The following PSD3 variants were observed in gnomAD, a reference collection of about 807,000 sequenced individuals.
PSD3 encodes PH and SEC7 domain-containing protein 3.
Under a neutral mutation model 105.5 loss-of-function variants are expected in PSD3, and 49 were observed. The ratio of observed to expected loss-of-function variants is 0.46; its 90% CI spans 0.37 to 0.59. PSD3 has a LOEUF of 0.59. Ranked by LOEUF, PSD3 falls within the 20% of genes least tolerant of loss-of-function variation. The probability of loss-of-function intolerance (pLI) is 0.00; values close to 1 mark genes in which losing one functional copy is unlikely to be tolerated. For synonymous variants in PSD3, 557 were observed against 457.8 expected (o/e 1.22, Z -2.77); for missense variants, 1,561 against 1,263.8 (o/e 1.24, Z -3.57).
chr8:18,820,658 T>A (rs968245862), intron 4 of PSD3, among the ~76,000 whole-genome samples: 2 of 152,234 alleles, frequency 1.3e-5, no homozygotes, highest in African/African-American at 4.8e-5. Flanking sequence ...TCTTTTTTTT[T>A]AAATCTATTT....
intron 4 of PSD3, among the ~76,000 whole-genome samples, chr8:18,858,865 T>C (rs79393998): frequency 0.09 from 13,755 of 152,210 alleles, 793 homozygotes; most frequent in African/African-American, 0.16. Flanking sequence ...CAGCCACTCA[T>C]GAAGGTTGGA....
intron 1 of PSD3, among the ~76,000 whole-genome samples, chr8:19,048,473 G>C (rs969197827): frequency 6.6e-6 from 1 of 152,150 alleles, no homozygotes; most frequent in African/African-American, 2.4e-5. Context: ...ATGAAAGGGG[G>C]CTCAGCTGCT....
At chr8:18,608,448 C>T (rs1279834906) in intron 11 of PSD3, among the ~76,000 whole-genome samples, 1 of 152,204 alleles carries the variant, frequency 6.6e-6, no homozygotes, top group Non-Finnish European at 1.5e-5. Context: ...AACTCACATA[C>T]ACATGAAGAC....
At chr8:18,600,030 G>A (rs1270094270) in intron 12 of PSD3, among the ~76,000 whole-genome samples, 4 of 152,176 alleles carry the variant, frequency 2.6e-5, no homozygotes, top group Admixed American at 6.6e-5. Context: ...CAAACACTGC[G>A]ATAGCTGGAC....
chr8:19,016,096 G>A (rs1169588815), upstream of PSD3, among the ~76,000 whole-genome samples: 1 of 152,186 alleles, frequency 6.6e-6, no homozygotes, highest in African/African-American at 2.4e-5. Flanking sequence ...TGTATTTTGT[G>A]TGTAAATATT....
intron 1 of PSD3, among the ~76,000 whole-genome samples, chr8:19,048,545 T>TC (rs1416615682): frequency 2.2e-4 from 33 of 147,468 alleles, no homozygotes; most frequent in Non-Finnish European, 4.6e-4. Flanking sequence ...TGTATATCCG[T>TC]GGAAAAGAAA....
chr8:18,751,436 G>A (rs1424577518), intron 9 of PSD3, among the ~76,000 whole-genome samples: 1 of 152,274 alleles, frequency 6.6e-6, no homozygotes, highest in Non-Finnish European at 1.5e-5. Flanking sequence ...AGCAGAAGGG[G>A]AGCGGTGACA....
chr8:18,711,268 G>A (rs1019757642), intron 9 of PSD3, among the ~76,000 whole-genome samples: 26 of 152,120 alleles, frequency 1.7e-4, no homozygotes, highest in Admixed American at 1.7e-3. Context: ...ATGATGACAG[G>A]ATCAAATTCA....
At chr8:18,908,312 T>C (rs1226694789) in intron 2 of PSD3, among the ~76,000 whole-genome samples, 1 of 152,194 alleles carries the variant, frequency 6.6e-6, no homozygotes, top group East Asian at 1.9e-4. Context: ...TTTTTTGGAT[T>C]AATATTTAAG....
intron 12 of PSD3, among the ~76,000 whole-genome samples, chr8:18,588,784 A>G (rs1803380003): frequency 6.6e-6 from 1 of 152,168 alleles, no homozygotes; most frequent in African/African-American, 2.4e-5. Flanking sequence ...TGATGACTCA[A>G]ACTCCCAATA....
At chr8:18,997,116 C>T (rs1451025937) in intron 1 of PSD3, among the ~76,000 whole-genome samples, 3 of 151,824 alleles carry the variant, frequency 2.0e-5, no homozygotes, top group African/African-American at 4.8e-5. Context: ...TATTGACATT[C>T]GCTCCCTGTG....
chr8:19,002,024 G>A (rs1826425929), intron 1 of PSD3: 1 of 154,488 alleles, frequency 6.5e-6, no homozygotes, highest in Non-Finnish European at 1.4e-5. Flanking sequence ...CAGGACTGGA[G>A]CTGAGCCACA....
At chr8:19,027,805 A>G (rs928348283) in intron 1 of PSD3, among the ~76,000 whole-genome samples, 1 of 152,196 alleles carries the variant, frequency 6.6e-6, no homozygotes. Context: ...ACAGTGTTCC[A>G]TTGTATGGAT....
chr8:18,753,569 T>G (rs1391700528), intron 9 of PSD3, among the ~76,000 whole-genome samples: 1 of 152,128 alleles, frequency 6.6e-6, no homozygotes, highest in Non-Finnish European at 1.5e-5. Context: ...GAGTAAATGT[T>G]AAAACAATTA....
At chr8:18,793,246 C>T (rs1415524707) in intron 8 of PSD3, among the ~76,000 whole-genome samples, 2 of 151,800 alleles carry the variant, frequency 1.3e-5, no homozygotes, top group Admixed American at 6.6e-5. Flanking sequence ...AGGTGCAGCA[C>T]ACCAACATGG....
chr8:18,532,444 A>T lies in PSD3; in HGVS notation c.*3299T>A, dbSNP rs1454569390. 1.3e-5 allele frequency: 2 copies of T among 152,240 alleles called. No individual in the cohort carries two copies. Among genetic ancestry groups the T allele is most frequent in the Admixed American group, 6.5e-5 (1 of 15,284 alleles). The allele number at this position is 152,240 out of a possible 1,614,324, so 9.4% of individuals were successfully genotyped here. On this transcript the variant is annotated 3_prime_UTR_variant, in exon 16 of 16. Transcript: ENST00000327040. ...AGATTAGGATAACAGTTGGAGACGC[A>T]TAGAGGGTCTTGTGTTTGCCACAAG...
chr8:18,621,531 T>G (rs1206315420), intron 11 of PSD3, among the ~76,000 whole-genome samples: 1 of 152,196 alleles, frequency 6.6e-6, no homozygotes, highest in Non-Finnish European at 1.5e-5. Flanking sequence ...AACCTAGAAC[T>G]TAATCTTTTA....
chr8:18,717,429 G>T (rs185918714), intron 9 of PSD3, among the ~76,000 whole-genome samples: 1 of 151,892 alleles, frequency 6.6e-6, no homozygotes, highest in African/African-American at 2.4e-5. Context: ...CTGTTATGAG[G>T]TCACCCATTA....
chr8:18,639,322 G>A (rs1157277640), intron 10 of PSD3, among the ~76,000 whole-genome samples: 1 of 152,000 alleles, frequency 6.6e-6, no homozygotes, highest in Non-Finnish European at 1.5e-5. Flanking sequence ...CAGAGCACAT[G>A]TGAAGTTCTT....
Sources: gnomAD v4.1 joint callset for allele counts (sites outside exome capture counted in the v4.1 genomes callset) on GRCh38, gnomAD v4.1.1 for gene constraint, MANE v1.5 for transcripts, NCBI Gene and HGNC (gene_info 2026-07-23, HGNC 2026-07-21) for gene names.